Variants in PDZRN4 observed in about 807,000 individuals in gnomAD.
PDZRN4 encodes PDZ domain containing ring finger 4.
Under a neutral mutation model 99.0 loss-of-function variants are expected in PDZRN4, and 70 were observed. The ratio of observed to expected loss-of-function variants is 0.71; its 90% CI spans 0.58 to 0.86. PDZRN4 has a LOEUF of 0.86. Ranked by LOEUF, PDZRN4 falls within the 40% of genes least tolerant of loss-of-function variation. The probability of loss-of-function intolerance (pLI) is 0.00; values close to 1 mark genes in which losing one functional copy is unlikely to be tolerated. For missense variants in PDZRN4, 1,474 were observed against 1,331.2 expected (o/e 1.11, Z -1.67); for synonymous variants, 551 against 501.6 (o/e 1.10, Z -1.32).
chr12:41,508,415 T>C (rs1938244958), intron 4 of PDZRN4, among the ~76,000 whole-genome samples: 1 of 152,184 alleles, frequency 6.6e-6, no homozygotes, highest in Non-Finnish European at 1.5e-5. Context: ...ATTCCCACTT[T>C]GCTGCTTTCC....
At chr12:41,410,490 T>A (rs1409825103) in intron 3 of PDZRN4, among the ~76,000 whole-genome samples, 5 of 152,216 alleles carry the variant, frequency 3.3e-5, no homozygotes, top group African/African-American at 4.8e-5. Context: ...TGTGCAACCA[T>A]TTTACTATTG....
intron 7 of PDZRN4, among the ~76,000 whole-genome samples, chr12:41,562,679 C>T (rs1355840990): frequency 6.6e-6 from 1 of 151,798 alleles, no homozygotes; most frequent in African/African-American, 2.4e-5. Context: ...TATATTTGCA[C>T]ATGAAAATGT....
At chr12:41,488,754 C>T (rs1449943751) in intron 3 of PDZRN4, among the ~76,000 whole-genome samples, 1 of 152,126 alleles carries the variant, frequency 6.6e-6, no homozygotes, top group Non-Finnish European at 1.5e-5. Flanking sequence ...TCAATTTTTT[C>T]CTTTAAAATA....
intron 9 of PDZRN4, among the ~76,000 whole-genome samples, chr12:41,569,669 A>T (rs1939440763): frequency 6.6e-6 from 1 of 152,242 alleles, no homozygotes; most frequent in Admixed American, 6.5e-5. Flanking sequence ...ATAATGAAAT[A>T]TTCAGCTTGC....
intron 3 of PDZRN4, among the ~76,000 whole-genome samples, chr12:41,253,947 G>A (rs1951187487): frequency 6.6e-6 from 1 of 151,948 alleles, no homozygotes; most frequent in African/African-American, 2.4e-5. Context: ...ACCTCATGAA[G>A]ATAGAGAATA....
At chr12:41,459,244 CT>C (rs1355254651) in intron 3 of PDZRN4, among the ~76,000 whole-genome samples, 8 of 152,080 alleles carry the variant, frequency 5.3e-5, no homozygotes, top group African/African-American at 1.7e-4. Context: ...TTAATCTGAC[CT>C]TTTATACCAA....
intron 3 of PDZRN4, among the ~76,000 whole-genome samples, chr12:41,379,107 G>T (rs575286287): frequency 6.6e-6 from 1 of 151,824 alleles, no homozygotes; most frequent in African/African-American, 2.4e-5. Flanking sequence ...ATGTTTCCAG[G>T]AATTTATTCA....
intron 3 of PDZRN4, among the ~76,000 whole-genome samples, chr12:41,435,767 A>T (rs1289461276): frequency 6.6e-6 from 1 of 152,158 alleles, no homozygotes; most frequent in Admixed American, 6.6e-5. Flanking sequence ...CACTCTGGGC[A>T]ACAGAGCAAG....
chr12:41,285,477 C>G (rs1416832793), intron 3 of PDZRN4, among the ~76,000 whole-genome samples: 1 of 152,128 alleles, frequency 6.6e-6, no homozygotes, highest in Non-Finnish European at 1.5e-5. Flanking sequence ...GCCAGAAATA[C>G]CATTTGACCC....
chr12:41,393,347 C>T (rs570854642), intron 3 of PDZRN4, among the ~76,000 whole-genome samples: 2 of 152,068 alleles, frequency 1.3e-5, no homozygotes, highest in African/African-American at 2.4e-5. Flanking sequence ...GCATTGTTGC[C>T]GTGGCTGTGT....
chr12:41,516,674 T>C (rs1938405725), intron 5 of PDZRN4, among the ~76,000 whole-genome samples: 1 of 152,032 alleles, frequency 6.6e-6, no homozygotes, highest in South Asian at 2.1e-4. Context: ...CTAATTTATG[T>C]AGTTAAAGAA....
intron 3 of PDZRN4, among the ~76,000 whole-genome samples, chr12:41,399,930 G>A (rs1952277801): frequency 6.6e-6 from 1 of 151,886 alleles, no homozygotes; most frequent in Non-Finnish European, 1.5e-5. Context: ...CACACATTCT[G>A]CAAAGGGCAC....
At chr12:41,444,071 A>G (rs1952703016) in intron 3 of PDZRN4, among the ~76,000 whole-genome samples, 1 of 152,100 alleles carries the variant, frequency 6.6e-6, no homozygotes, top group African/African-American at 2.4e-5. Context: ...AAGAGGAGAG[A>G]GATTTAAAAT....
chr12:41,395,134 G>T (rs945394305), intron 3 of PDZRN4, among the ~76,000 whole-genome samples: 5 of 152,006 alleles, frequency 3.3e-5, no homozygotes, highest in Non-Finnish European at 7.4e-5. Context: ...TCTAAATCCA[G>T]AACTTCATCA....
rs1370558631 is a variant in PDZRN4, at chr12:41,567,858, C to T, written c.1543C>T (p.His515Tyr). The T allele has an allele frequency of 6.2e-7, 1 of 1,612,708 alleles. No individual in the cohort carries two copies. Among genetic ancestry groups the T allele is most frequent in the East Asian group, 2.2e-5 (1 of 44,836 alleles). ...AAACTTGGAGATGTTGGAAGAAGAGCATAATGAAGCAATGCAGCCCACTGC... is the reference window on the plus strand; with the variant it reads ...AAACTTGGAGATGTTGGAAGAAGAGTATAATGAAGCAATGCAGCCCACTGC... ...ELNLEMLEEE[H>Y]NEAMQPTANE... The change falls in exon 9 of 10, where the codon CAT becomes TAT. Residue 515 changes from histidine to tyrosine, a missense_variant. By Grantham distance (83) the His-to-Tyr change is moderately conservative. Coordinates refer to ENST00000402685, the MANE Select transcript of PDZRN4 (RefSeq NM_001164595.2).
intron 3 of PDZRN4, among the ~76,000 whole-genome samples, chr12:41,198,430 T>C (rs1366720652): frequency 6.6e-6 from 1 of 152,060 alleles, no homozygotes; most frequent in Non-Finnish European, 1.5e-5. Context: ...TGAAGGTCTG[T>C]GGAATCTTTG....
At chr12:41,265,481 G>A (rs572358614) in intron 3 of PDZRN4, among the ~76,000 whole-genome samples, 15 of 152,110 alleles carry the variant, frequency 9.9e-5, no homozygotes, top group African/African-American at 3.4e-4. Context: ...AGCAAGGACC[G>A]ATCTCAAATC....
At chr12:41,213,465 C>A (rs1283647317) in intron 3 of PDZRN4, among the ~76,000 whole-genome samples, 1 of 152,064 alleles carries the variant, frequency 6.6e-6, no homozygotes, top group African/African-American at 2.4e-5. Flanking sequence ...AATAAACAGT[C>A]ATGAGCGCAT....
intron 3 of PDZRN4, among the ~76,000 whole-genome samples, chr12:41,330,569 A>G (rs1279049994): frequency 6.6e-6 from 1 of 152,050 alleles, no homozygotes; most frequent in Non-Finnish European, 1.5e-5. Context: ...GAAAATTAAA[A>G]CATCTAATGT....
Sources: allele counts gnomAD v4.1 joint callset (sites outside exome capture counted in the v4.1 genomes callset), GRCh38; gene constraint gnomAD v4.1.1; transcripts MANE v1.5; gene names NCBI Gene and HGNC (gene_info 2026-07-23, HGNC 2026-07-21).